The following RIMS1 variants were observed in gnomAD, a reference collection of about 807,000 sequenced individuals.
The protein encoded by RIMS1 is regulating synaptic membrane exocytosis protein 1.
A neutral mutation model predicts 214.1 loss-of-function variants in RIMS1; 83 were observed. The ratio of observed to expected loss-of-function variants is 0.39; its 90% CI spans 0.32 to 0.47. RIMS1 has a LOEUF of 0.47. RIMS1 is among the 20% of genes least tolerant of loss of function. The pLI is 0.99. For synonymous variants in RIMS1, 793 were observed against 786.8 expected (o/e 1.01, Z -0.13); for missense variants, 2,050 against 2,161.8 (o/e 0.95, Z 1.03).
At chr6:72,260,270 A>C (rs1003776384) in intron 18 of RIMS1, among the ~76,000 whole-genome samples, 1 of 152,082 alleles carries the variant, frequency 6.6e-6, no homozygotes, top group African/African-American at 2.4e-5. Flanking sequence ...ATGGTATTGC[A>C]TTTTCAGTGG....
chr6:72,128,192 A>G (rs1261450131), intron 4 of RIMS1, among the ~76,000 whole-genome samples: 2 of 152,180 alleles, frequency 1.3e-5, no homozygotes, highest in Admixed American at 1.3e-4. Flanking sequence ...CCAGGTCCTT[A>G]AAAAAGACAA....
chr6:72,238,016 T>A (rs1049602852), intron 9 of RIMS1, 94 bp downstream of exon 9: 2 of 683,928 alleles, frequency 2.9e-6, no homozygotes, highest in Admixed American at 5.7e-5. Flanking sequence ...TATATATACA[T>A]ACATACATAC....
intron 4 of RIMS1, among the ~76,000 whole-genome samples, chr6:72,149,826 A>T (rs951238334): frequency 1.3e-5 from 2 of 152,058 alleles, no homozygotes; most frequent in Non-Finnish European, 2.9e-5. Flanking sequence ...CTGCTGCAGG[A>T]TGTGTCTCAT....
At chr6:71,916,368 T>A (rs1778423978) in intron 1 of RIMS1, among the ~76,000 whole-genome samples, 1 of 152,132 alleles carries the variant, frequency 6.6e-6, no homozygotes, top group Non-Finnish European at 1.5e-5. Flanking sequence ...CTGTTTCCAA[T>A]GTTACAGAGT....
At chr6:72,290,656 C>A (rs2093232088) in intron 24 of RIMS1, 23 bp from the exon 25 acceptor site, 1 of 1,602,950 alleles carries the variant, frequency 6.2e-7, no homozygotes, top group African/African-American at 1.3e-5. Context: ...GACTGAAGAT[C>A]TTTTTTGGCC....
At chr6:72,088,431 A>G (rs972004846) in intron 2 of RIMS1, among the ~76,000 whole-genome samples, 10 of 151,712 alleles carry the variant, frequency 6.6e-5, no homozygotes, top group Admixed American at 1.3e-4. Context: ...TGTAATTTTT[A>G]GTAGAGATGG....
chr6:72,290,916 G>C, intron 25 of RIMS1, 55 bp downstream of exon 25: 2 of 1,541,868 alleles, frequency 1.3e-6, no homozygotes, highest in Non-Finnish European at 1.8e-6. Flanking sequence ...GTGTTGGTGT[G>C]GTGTTGTACC....
intron 29 of RIMS1, among the ~76,000 whole-genome samples, chr6:72,385,918 T>C (rs907027115): frequency 4.6e-5 from 7 of 152,348 alleles, no homozygotes; most frequent in African/African-American, 1.7e-4. Context: ...GAAGCTCTTT[T>C]CATGAATATT....
chr6:72,288,876 AT>A, intron 24 of RIMS1, among the ~76,000 whole-genome samples: 1 of 136,882 alleles, frequency 7.3e-6, no homozygotes, highest in East Asian at 1.9e-4. Flanking sequence ...GGGACTTTTC[AT>A]GTCAAAGAAA....
At chr6:72,190,300 C>T (rs1028211998) in intron 6 of RIMS1, among the ~76,000 whole-genome samples, 2 of 151,892 alleles carry the variant, frequency 1.3e-5, no homozygotes, top group African/African-American at 4.8e-5. Context: ...CCCATCTCTA[C>T]TAAAAATACA....
chr6:72,221,115 T>C (rs2058258506), intron 6 of RIMS1, among the ~76,000 whole-genome samples: 1 of 151,994 alleles, frequency 6.6e-6, no homozygotes, highest in Non-Finnish European at 1.5e-5. Context: ...CTATATAGAG[T>C]CTTTAAACGT....
intron 27 of RIMS1, among the ~76,000 whole-genome samples, chr6:72,309,533 A>G (rs763893998): frequency 3.9e-5 from 6 of 152,096 alleles, no homozygotes; most frequent in African/African-American, 7.2e-5. Flanking sequence ...GATTGATTCA[A>G]AGGTCTCCAT....
rs1260001956 is a variant in RIMS1, at chr6:72,209,913, A to T, written c.1679-23860A>T. ...GAGACTCTGTCTCAAAAAAAAAAAAAAAAAAAAAAAAGGGAAAGAAACATA... is the reference window on the plus strand; with the variant it reads ...GAGACTCTGTCTCAAAAAAAAAAAATAAAAAAAAAAAGGGAAAGAAACATA... On this transcript the variant is annotated intron_variant, in intron 6 of 33. Transcript: ENST00000521978. 6.9e-5 allele frequency among the ~76,000 whole-genome samples: 3 copies of T among 43,592 alleles called. No homozygotes were observed. In the East Asian group the frequency reaches 0.014, roughly 210 times the overall value. 28.6% of individuals were successfully genotyped at this position (43,592 alleles called of 152,430 possible). A position where few individuals can be genotyped will look rare whatever the true frequency, so the allele number is the denominator to read the frequency against.
At chr6:71,987,724 A>G (rs1183432877) in intron 2 of RIMS1, among the ~76,000 whole-genome samples, 1 of 152,176 alleles carries the variant, frequency 6.6e-6, no homozygotes, top group African/African-American at 2.4e-5. Context: ...AAAGATATGT[A>G]GACTGGGAGG....
intron 1 of RIMS1, among the ~76,000 whole-genome samples, chr6:71,925,301 T>A (rs1030148978): frequency 6.6e-6 from 1 of 152,182 alleles, no homozygotes; most frequent in African/African-American, 2.4e-5. Flanking sequence ...GTGAAATCAG[T>A]GTGATAAAGG....
At chr6:72,094,905 TTAGA>T (rs1586829435) in intron 2 of RIMS1, among the ~76,000 whole-genome samples, 1 of 151,728 alleles carries the variant, frequency 6.6e-6, no homozygotes. Flanking sequence ...GTTTCCTTGG[TTAGA>T]TATATTTCCT....
intron 28 of RIMS1, among the ~76,000 whole-genome samples, chr6:72,332,596 T>C (rs1471028893): frequency 6.8e-6 from 1 of 146,042 alleles, no homozygotes; most frequent in Non-Finnish European, 1.5e-5. Context: ...AATGATGAGT[T>C]AATGGGTGCA....
intron 2 of RIMS1, among the ~76,000 whole-genome samples, chr6:72,047,424 A>T: frequency 6.6e-6 from 1 of 152,194 alleles, no homozygotes; most frequent in Non-Finnish European, 1.5e-5. Flanking sequence ...TGATCACATT[A>T]GACATTGCTG....
chr6:72,196,523 T>A (rs2050959764), intron 6 of RIMS1, among the ~76,000 whole-genome samples: 1 of 150,600 alleles, frequency 6.6e-6, no homozygotes, highest in Non-Finnish European at 1.5e-5. Context: ...TTAAAACAAT[T>A]ACAACTTAAC....
Sources: allele counts gnomAD v4.1 joint callset (sites outside exome capture counted in the v4.1 genomes callset), GRCh38; gene constraint gnomAD v4.1.1; transcripts MANE v1.5; gene names NCBI Gene and HGNC (gene_info 2026-07-23, HGNC 2026-07-21).